The following GLDC variants were observed in gnomAD, a reference collection of about 807,000 sequenced individuals.
GLDC encodes glycine dehydrogenase (decarboxylating), mitochondrial.
Under a neutral mutation model 121.3 loss-of-function variants are expected in GLDC, and 104 were observed. That is an observed-to-expected ratio of 0.86 (90% CI 0.73 to 1.01). GLDC has a LOEUF of 1.01. GLDC is among the 50% of genes least tolerant of loss of function. The pLI, the probability that GLDC is intolerant of heterozygous loss-of-function variation, is 0.00. For synonymous variants in GLDC, 546 were observed against 480.6 expected (o/e 1.14, Z -1.78); for missense variants, 1,429 against 1,306.6 (o/e 1.09, Z -1.44).
chr9:6,599,635 C>T (rs999259491), intron 8 of GLDC, among the ~76,000 whole-genome samples: 3 of 150,774 alleles, frequency 2.0e-5, no homozygotes, highest in African/African-American at 4.9e-5. Context: ...GCAAGAGAAT[C>T]GCTGGAAACT....
intron 4 of GLDC, among the ~76,000 whole-genome samples, chr9:6,609,759 T>C (rs1380535606): frequency 6.6e-6 from 1 of 151,914 alleles, no homozygotes; most frequent in Non-Finnish European, 1.5e-5. Context: ...CTCACTGCCC[T>C]GCCTTGAGAG....
intron 3 of GLDC, among the ~76,000 whole-genome samples, chr9:6,614,416 T>C (rs985990068): frequency 2.0e-5 from 3 of 149,594 alleles, no homozygotes; most frequent in Non-Finnish European, 4.5e-5. Flanking sequence ...TATATTTTTT[T>C]GTAGGGATGG....
intron 2 of GLDC, among the ~76,000 whole-genome samples, chr9:6,626,055 A>G (rs779159462): frequency 7.3e-5 from 11 of 150,722 alleles, no homozygotes; most frequent in Middle Eastern, 3.4e-3. Flanking sequence ...GCAAAAATCT[A>G]TGCTCTCGCC....
intron 2 of GLDC, among the ~76,000 whole-genome samples, chr9:6,631,388 C>T (rs1419308755): frequency 6.6e-6 from 1 of 152,158 alleles, no homozygotes; most frequent in African/African-American, 2.4e-5. Flanking sequence ...AAGACCCTAC[C>T]AGCTGTAGCA....
intron 3 of GLDC, among the ~76,000 whole-genome samples, chr9:6,611,697 TTC>T (rs1415379939): frequency 2.0e-5 from 3 of 152,216 alleles, no homozygotes; most frequent in Non-Finnish European, 4.4e-5. Flanking sequence ...TGCTTGTTTT[TTC>T]TGTTGTTTTC....
At chr9:6,546,387 G>C (rs1441518254) in intron 21 of GLDC, among the ~76,000 whole-genome samples, 1 of 145,946 alleles carries the variant, frequency 6.9e-6, no homozygotes, top group Non-Finnish European at 1.5e-5. Flanking sequence ...TTTTGGAAGA[G>C]ACAGGTCTCA....
At chr9:6,616,866 T>G (rs1268593791) in intron 3 of GLDC, among the ~76,000 whole-genome samples, 1 of 152,204 alleles carries the variant, frequency 6.6e-6, no homozygotes, top group Non-Finnish European at 1.5e-5. Context: ...AAGGGGGTTA[T>G]GGGGGTTTGC....
chr9:6,582,770 A>C (rs529857526), intron 15 of GLDC, among the ~76,000 whole-genome samples: 1 of 151,692 alleles, frequency 6.6e-6, no homozygotes, highest in Non-Finnish European at 1.5e-5. Context: ...CGATCGTTGC[A>C]GTGAGCCGAT....
At chr9:6,612,226 C>T (rs1320504854) in intron 3 of GLDC, among the ~76,000 whole-genome samples, 1 of 147,960 alleles carries the variant, frequency 6.8e-6, no homozygotes, top group Non-Finnish European at 1.5e-5. Flanking sequence ...CACTCTCTCA[C>T]ACACACACTC....
At chr9:6,615,969 C>T (rs56245372) in intron 3 of GLDC, among the ~76,000 whole-genome samples, 2,414 of 152,208 alleles carry the variant, frequency 0.016, 75 homozygotes, top group African/African-American at 0.055. Flanking sequence ...GCTACCCAGG[C>T]TGGAGTGCAG....
intron 20 of GLDC, among the ~76,000 whole-genome samples, chr9:6,552,725 A>G (rs1817540311): frequency 6.6e-6 from 1 of 152,172 alleles, no homozygotes; most frequent in Non-Finnish European, 1.5e-5. Context: ...CAGTCTTGTC[A>G]GTCCAGGAGG....
At chr9:6,626,660 A>AG (rs147540564) in intron 2 of GLDC, among the ~76,000 whole-genome samples, 34,761 of 152,118 alleles carry the variant, frequency 0.23, 3,948 homozygotes, top group South Asian at 0.3. Context: ...ACTCTCAAGT[A>AG]AAGAGAGATT....
At chr9:6,589,009 C>T (rs1275113251) in intron 12 of GLDC, among the ~76,000 whole-genome samples, 186 bp downstream of exon 12, 1 of 152,144 alleles carries the variant, frequency 6.6e-6, no homozygotes, top group Non-Finnish European at 1.5e-5. Context: ...GGAGCAGAGC[C>T]ACCAGGAAAC....
intron 2 of GLDC, among the ~76,000 whole-genome samples, chr9:6,630,685 G>C (rs997967936): frequency 1.3e-5 from 2 of 152,184 alleles, no homozygotes; most frequent in Admixed American, 6.5e-5. Flanking sequence ...CTGTGAAGCT[G>C]AGAGGGAACC....
intron 11 of GLDC, among the ~76,000 whole-genome samples, chr9:6,590,463 C>A (rs557356113): frequency 1.3e-5 from 2 of 152,302 alleles, no homozygotes; most frequent in South Asian, 4.1e-4. Flanking sequence ...TCTCACTCTA[C>A]TAGTTCCCAT....
intron 19 of GLDC, 103 bp from the exon 20 acceptor site, chr9:6,553,612 G>A: frequency 9.0e-7 from 1 of 1,116,376 alleles, no homozygotes; most frequent in South Asian, 1.3e-5. Context: ...TAGCAGAGGA[G>A]CTCTGACAGT....
chr9:6,601,284 A>G (rs1018503224), intron 8 of GLDC, among the ~76,000 whole-genome samples: 3 of 152,202 alleles, frequency 2.0e-5, no homozygotes, highest in Middle Eastern at 3.4e-3. Flanking sequence ...GCCTTCCTCA[A>G]CCCATTCCTG....
At chr9:6,580,943 G>T (rs1186130582) in intron 15 of GLDC, among the ~76,000 whole-genome samples, 1 of 152,180 alleles carries the variant, frequency 6.6e-6, no homozygotes, top group Non-Finnish European at 1.5e-5. Context: ...CTGCTCACAG[G>T]TCTTTGTTTC....
At chr9:6,644,416 C>T (rs1819696453) in intron 2 of GLDC, 198 bp downstream of exon 2, 1 of 632,814 alleles carries the variant, frequency 1.6e-6, no homozygotes, top group Admixed American at 2.5e-5. Context: ...CCGACTCTCT[C>T]CTAACACAAA....
Sources: gnomAD v4.1 joint callset for allele counts (sites outside exome capture counted in the v4.1 genomes callset) on GRCh38, gnomAD v4.1.1 for gene constraint, MANE v1.5 for transcripts, NCBI Gene and HGNC (gene_info 2026-07-23, HGNC 2026-07-21) for gene names.